Variants in MAP3K5 observed in about 807,000 individuals in gnomAD.
MAP3K5 encodes the protein ASK-1.
A neutral mutation model predicts 158.7 loss-of-function variants in MAP3K5; 56 were observed. That is an observed-to-expected ratio of 0.35 (90% CI 0.28 to 0.44). The LOEUF is 0.44. MAP3K5 is among the 20% of genes least tolerant of loss of function. The pLI is 1.00. For synonymous variants in MAP3K5, 579 were observed against 601.7 expected, an observed-to-expected ratio of 0.96 and a Z score of 0.55; for missense variants, 1,294 against 1,674.8, an observed-to-expected ratio of 0.77 and a Z score of 3.97.
chr6:136,682,271 T>C (rs7769396), intron 7 of MAP3K5, among the ~76,000 whole-genome samples: 1 of 152,070 alleles, frequency 6.6e-6, no homozygotes, highest in African/African-American at 2.4e-5. Flanking sequence ...GCAAAAATAA[T>C]GTTAATGCAA....
rs567166745 is a variant in MAP3K5 at position 136,614,305 on chromosome 6, T to G, written c.2151-19A>C. ...AGAGTATCTAAAAGACATGCAATTG[T>G]CAATGAGTTAATTATGTAGCCAGAC... On this transcript the variant is annotated intron_variant, in intron 15 of 29. Transcript: ENST00000359015. The G allele has an allele frequency of 2.5e-6, 4 of 1,608,950 alleles. No homozygotes were observed. The African/African-American group carries it at 5.3e-5, about 21-fold the overall frequency.
Position 136,601,079 on chromosome 6 carries a change from G to A in MAP3K5, c.2858-37C>T, listed in dbSNP as rs753661336. ...AAAGCAAACAGCCATGAATAAGCAC[G>A]TGCTGGGTTTGTTGTTAAACTGAGA... On this transcript the variant is annotated intron_variant, in intron 20 of 29. Coordinates refer to ENST00000359015, the MANE Select transcript of MAP3K5 (RefSeq NM_005923.4). 8.1e-6 allele frequency: 13 copies of A among 1,611,088 alleles called. No individual in the cohort carries two copies. In the East Asian group the frequency reaches 1.1e-4, roughly 14 times the overall value.
rs1421499315 is a variant in MAP3K5 at position 136,696,146 on chromosome 6, T to C, written c.976-89A>G. 4 of 692,338 alleles carry C rather than the reference T, an allele frequency of 5.8e-6. No individual in the cohort carries two copies. In the East Asian group the frequency reaches 1.1e-4, roughly 18 times the overall value. The allele number at this position is 692,338 out of a possible 1,614,324, so 42.9% of individuals were successfully genotyped here. A position where few individuals can be genotyped will look rare whatever the true frequency, so the allele number is the denominator to read the frequency against. ...GTCTTTTGACAACCAGATATCTGAA[T>C]TCAAGAAACACATTAAAAAGACACT... On this transcript the variant is annotated intron_variant, in intron 5 of 29. Coordinates refer to ENST00000359015, the MANE Select transcript of MAP3K5 (RefSeq NM_005923.4).
At chr6:136,650,343 A>G (rs994864851) in intron 11 of MAP3K5, among the ~76,000 whole-genome samples, 3 of 152,284 alleles carry the variant, frequency 2.0e-5, no homozygotes, top group African/African-American at 7.2e-5. Context: ...GGTCCTGAAA[A>G]TGTCTGTTTG....
chr6:136,735,830 A>T (rs1333410779), intron 1 of MAP3K5, among the ~76,000 whole-genome samples: 1 of 152,126 alleles, frequency 6.6e-6, no homozygotes, highest in Non-Finnish European at 1.5e-5. Context: ...ACCTATCTCT[A>T]AAAAAACAAA....
intron 21 of MAP3K5, among the ~76,000 whole-genome samples, chr6:136,600,696 A>G (rs1413687010): frequency 6.6e-6 from 1 of 152,188 alleles, no homozygotes; most frequent in Non-Finnish European, 1.5e-5. Context: ...TCCACAAGAA[A>G]TACATTAGGT....
intron 7 of MAP3K5, among the ~76,000 whole-genome samples, chr6:136,686,367 C>T (rs1430217635): frequency 6.6e-6 from 1 of 152,108 alleles, no homozygotes; most frequent in Non-Finnish European, 1.5e-5. Context: ...CAGTAGAAGA[C>T]AAGGACGGCC....
At chr6:136,749,729 T>A (rs753646607) in intron 1 of MAP3K5, among the ~76,000 whole-genome samples, 4 of 152,050 alleles carry the variant, frequency 2.6e-5, no homozygotes, top group Non-Finnish European at 4.4e-5. Flanking sequence ...AGGGGGCAAG[T>A]CTAATTCATC....
At chr6:136,790,901 G>A (rs1450154403) in intron 1 of MAP3K5, among the ~76,000 whole-genome samples, 1 of 152,202 alleles carries the variant, frequency 6.6e-6, no homozygotes, top group East Asian at 1.9e-4. Flanking sequence ...TCTGAAATTT[G>A]AGATAGGTTG....
At chr6:136,707,070 ACTTGAGC>A (rs1781106967) in intron 2 of MAP3K5, among the ~76,000 whole-genome samples, 1 of 152,178 alleles carries the variant, frequency 6.6e-6, no homozygotes, top group African/African-American at 2.4e-5. Flanking sequence ...CAGGAGGATC[ACTTGAGC>A]CTTGAAGATC....
chr6:136,640,777 T>C (rs1777890553), intron 12 of MAP3K5, among the ~76,000 whole-genome samples: 1 of 152,218 alleles, frequency 6.6e-6, no homozygotes, highest in Non-Finnish European at 1.5e-5. Flanking sequence ...GCTGTGCAAG[T>C]TCTGAGGTGA....
At chr6:136,695,591 T>C (rs1434578368) in intron 6 of MAP3K5, among the ~76,000 whole-genome samples, 1 of 152,244 alleles carries the variant, frequency 6.6e-6, no homozygotes, top group Non-Finnish European at 1.5e-5. Context: ...CTTACTCTAG[T>C]GAAAACTTTT....
intron 1 of MAP3K5, among the ~76,000 whole-genome samples, chr6:136,740,391 A>G (rs1417597213): frequency 6.6e-6 from 1 of 151,980 alleles, no homozygotes; most frequent in Non-Finnish European, 1.5e-5. Flanking sequence ...TCTGCTGTTT[A>G]CTTATGATTT....
intron 25 of MAP3K5, among the ~76,000 whole-genome samples, chr6:136,576,599 G>A (rs1195690884): frequency 6.6e-6 from 1 of 152,104 alleles, no homozygotes; most frequent in Admixed American, 6.5e-5. Flanking sequence ...GAGACACCAT[G>A]CCCAACTACA....
At chr6:136,562,376 C>T in intron 27 of MAP3K5, 127 bp downstream of exon 27, 1 of 464,714 alleles carries the variant, frequency 2.2e-6, no homozygotes, top group South Asian at 6.1e-5. Context: ...TAAAGGAATT[C>T]CTGCTTGCAG....
At chr6:136,685,794 G>T (rs1397528610) in intron 7 of MAP3K5, among the ~76,000 whole-genome samples, 1 of 152,006 alleles carries the variant, frequency 6.6e-6, no homozygotes, top group Non-Finnish European at 1.5e-5. Context: ...AAAAAACAAG[G>T]GTCAGTTGAA....
intron 1 of MAP3K5, among the ~76,000 whole-genome samples, chr6:136,770,404 G>A (rs979471001): frequency 3.9e-5 from 6 of 152,168 alleles, no homozygotes; most frequent in African/African-American, 1.4e-4. Context: ...TTCAGACCAT[G>A]CCATGACCAA....
chr6:136,662,972 A>G (rs1779070529), intron 8 of MAP3K5, among the ~76,000 whole-genome samples: 1 of 152,196 alleles, frequency 6.6e-6, no homozygotes, highest in African/African-American at 2.4e-5. Context: ...GGATTTTTTA[A>G]TCATTTACTT....
chr6:136,737,037 G>GTGTATATATATA (rs759947051), intron 1 of MAP3K5, among the ~76,000 whole-genome samples: 3 of 127,000 alleles, frequency 2.4e-5, no homozygotes, highest in Admixed American at 7.4e-5. Flanking sequence ...ATATGTGTGT[G>GTGTATATATATA]TATATATATA....
Sources: gnomAD v4.1 joint callset for allele counts (sites outside exome capture counted in the v4.1 genomes callset) on GRCh38, gnomAD v4.1.1 for gene constraint, MANE v1.5 for transcripts, NCBI Gene and HGNC (gene_info 2026-07-23, HGNC 2026-07-21) for gene names.